The following CSMD2 variants were observed in gnomAD, a reference collection of about 807,000 sequenced individuals.
CSMD2 encodes the protein CUB and Sushi multiple domains 2.
In CSMD2, 130 loss-of-function variants were observed where a neutral mutation model predicts 398.5. The observed-to-expected ratio is 0.33, with a 90% CI of 0.28 to 0.38. The LOEUF is 0.38. Among genes scored for constraint, CSMD2 ranks in the 10% least tolerant of loss-of-function variants. The pLI is 1.00. For synonymous variants in CSMD2, 1,828 were observed against 1,908.5 expected, an observed-to-expected ratio of 0.96 and a Z score of 1.10; for missense variants, 3,829 against 4,764.9, an observed-to-expected ratio of 0.80 and a Z score of 5.78.
intron 6 of CSMD2, among the ~76,000 whole-genome samples, chr1:33,843,251 A>G (rs1661033860): frequency 6.6e-6 from 1 of 152,222 alleles, no homozygotes; most frequent in African/African-American, 2.4e-5. Context: ...ACCTCCTGAT[A>G]ACCAGTCCGA....
intron 3 of CSMD2, among the ~76,000 whole-genome samples, chr1:33,951,976 A>T (rs1490647493): frequency 6.6e-6 from 1 of 152,200 alleles, no homozygotes. Context: ...ACTCAGTTCA[A>T]ATGTCACCTC....
At chr1:34,030,714 C>T (rs1650304098) in intron 3 of CSMD2, among the ~76,000 whole-genome samples, 1 of 152,144 alleles carries the variant, frequency 6.6e-6, no homozygotes, top group Non-Finnish European at 1.5e-5. Flanking sequence ...GCAGGGACAC[C>T]TTTTTCCTCA....
intron 3 of CSMD2, among the ~76,000 whole-genome samples, chr1:33,957,538 G>A (rs1044529529): frequency 6.6e-6 from 1 of 152,158 alleles, no homozygotes; most frequent in African/African-American, 2.4e-5. Context: ...CATCAAAGGG[G>A]CTGTGAGTGA....
intron 57 of CSMD2, among the ~76,000 whole-genome samples, chr1:33,544,623 TAG>T (rs1374276883): frequency 1.3e-5 from 2 of 151,064 alleles, no homozygotes; most frequent in African/African-American, 4.9e-5. Flanking sequence ...CACGTGGAGG[TAG>T]AGAGTGGAAA....
At chr1:33,786,404 G>C (rs78588334) in intron 12 of CSMD2, among the ~76,000 whole-genome samples, 1 of 152,148 alleles carries the variant, frequency 6.6e-6, no homozygotes, top group African/African-American at 2.4e-5. Flanking sequence ...AAAGTAGTGA[G>C]TGACAGGGCT....
intron 25 of CSMD2, among the ~76,000 whole-genome samples, chr1:33,665,675 G>C (rs1339864317): frequency 6.6e-6 from 1 of 151,744 alleles, no homozygotes; most frequent in African/African-American, 2.4e-5. Context: ...CAATCCTCCT[G>C]CCTCAGCCTC....
chr1:33,846,905 C>T lies in CSMD2; in HGVS notation c.1012G>A (p.Gly338Arg), dbSNP rs765855031. Residue 338 changes from glycine (G) to arginine (R), a missense_variant, in exon 6 of 71, where the codon GGA (glycine) becomes AGA (arginine). By Grantham distance (125) the Gly-to-Arg change is moderately radical. Around this residue, in one of 5 missense-constraint regions of CSMD2, gnomAD observed 2,001 missense variants for 2,567.1 expected, o/e 0.78. Coordinates refer to ENST00000373381, the MANE Select transcript of CSMD2 (RefSeq NM_001281956.2). ...FTSDGNHRQR[G>R]FSAQYQVKKQ... ...CTACCTTGGTATTGGGCACTGAATC[C>T]GCGCTGCCGGTGGTTGCCATCCGAT... 6.8e-6 allele frequency: 11 copies of T among 1,606,518 alleles called. No individual in the cohort carries two copies. The highest frequency in any genetic ancestry group is 2.2e-5 in the South Asian group (2 of 89,938).
At chr1:33,888,868 T>C (rs925457020) in intron 5 of CSMD2, among the ~76,000 whole-genome samples, 10 of 151,906 alleles carry the variant, frequency 6.6e-5, no homozygotes, top group African/African-American at 2.2e-4. Context: ...CCCAGGTACA[T>C]GCCATTCTCC....
At chr1:33,865,692 C>T (rs1462591600) in intron 5 of CSMD2, among the ~76,000 whole-genome samples, 2 of 152,078 alleles carry the variant, frequency 1.3e-5, no homozygotes, top group African/African-American at 4.8e-5. Context: ...CTCATAGGGC[C>T]CAAGAAGGAG....
chr1:33,527,380 AT>A, intron 64 of CSMD2, 122 bp from the exon 65 acceptor site: 152 of 711,466 alleles, frequency 2.1e-4, no homozygotes, highest in South Asian at 2.4e-4. Flanking sequence ...CTTTCCCCTT[AT>A]TTTTTTTAGA....
chr1:33,565,455 A>G (rs1658968435), intron 53 of CSMD2, among the ~76,000 whole-genome samples: 1 of 152,150 alleles, frequency 6.6e-6, no homozygotes, highest in African/African-American at 2.4e-5. Flanking sequence ...ACAAAACCTT[A>G]TATTAAAAAA....
At chr1:33,808,835 C>T (rs1366426814) in intron 10 of CSMD2, among the ~76,000 whole-genome samples, 1 of 151,556 alleles carries the variant, frequency 6.6e-6, no homozygotes, top group Non-Finnish European at 1.5e-5. Flanking sequence ...TAAACCACTG[C>T]CAATACCAAT....
At chr1:34,052,118 C>T (rs1005206688) in intron 2 of CSMD2, among the ~76,000 whole-genome samples, 3 of 151,848 alleles carry the variant, frequency 2.0e-5, no homozygotes, top group African/African-American at 7.3e-5. Flanking sequence ...AACTGCAGAT[C>T]TCAGTCTTCA....
At chr1:33,684,801 C>G (rs1645014823) in intron 25 of CSMD2, among the ~76,000 whole-genome samples, 2 of 152,212 alleles carry the variant, frequency 1.3e-5, no homozygotes, top group Non-Finnish European at 2.9e-5. Flanking sequence ...GTAGTCCACC[C>G]CCAACTGCCA....
At chr1:33,760,529 CCTT>C (rs1649692373) in intron 13 of CSMD2, among the ~76,000 whole-genome samples, 1 of 152,138 alleles carries the variant, frequency 6.6e-6, no homozygotes, top group Non-Finnish European at 1.5e-5. Context: ...AAATATGAAT[CCTT>C]CTAAAAATTG....
At chr1:33,841,559 C>A (rs1472455839) in intron 6 of CSMD2, among the ~76,000 whole-genome samples, 1 of 152,126 alleles carries the variant, frequency 6.6e-6, no homozygotes, top group Non-Finnish European at 1.5e-5. Context: ...GTTCTTCTCA[C>A]CATCATTTCC....
chr1:33,994,297 G>C (rs1449285773), intron 3 of CSMD2, among the ~76,000 whole-genome samples: 1 of 152,068 alleles, frequency 6.6e-6, no homozygotes, highest in Non-Finnish European at 1.5e-5. Flanking sequence ...GAGGAAGAAG[G>C]GAGAATGAGT....
At chr1:34,074,988 C>T (rs1415037628) in intron 2 of CSMD2, among the ~76,000 whole-genome samples, 1 of 152,184 alleles carries the variant, frequency 6.6e-6, no homozygotes, top group South Asian at 2.1e-4. Flanking sequence ...GCACTTATAC[C>T]CTGATTATTT....
intron 37 of CSMD2, among the ~76,000 whole-genome samples, chr1:33,620,805 TC>T (rs148097435): frequency 1.5e-4 from 21 of 139,024 alleles, no homozygotes; most frequent in African/African-American, 4.2e-4. Context: ...CTGTCCTGGG[TC>T]TTTTTTTTTT....
Sources: allele counts gnomAD v4.1 joint callset (sites outside exome capture counted in the v4.1 genomes callset), GRCh38; gene constraint gnomAD v4.1.1; regional missense constraint gnomAD v4.1.1; transcripts MANE v1.5; gene names NCBI Gene and HGNC (gene_info 2026-07-23, HGNC 2026-07-21).